TRDN: variants seen among roughly 807,000 people sequenced by gnomAD.
TRDN encodes the protein triadin, also known as triadin in skeletal muscle.
In TRDN, 161 loss-of-function variants were observed where a neutral mutation model predicts 149.7. The observed-to-expected ratio is 1.08, with a 90% CI of 0.95 to 1.23. The LOEUF (loss-of-function observed/expected upper bound fraction) is 1.23. Ranked by LOEUF, TRDN falls within the 50% of genes most tolerant of loss-of-function variation. The probability of loss-of-function intolerance (pLI) is 0.00; values close to 1 mark genes in which losing one functional copy is unlikely to be tolerated. For missense variants in TRDN, 896 were observed against 823.5 expected (o/e 1.09, Z -1.08); for synonymous variants, 294 against 250.5 (o/e 1.17, Z -1.64).
At chr6:123,276,171 A>G (rs1373813619) in intron 26 of TRDN, among the ~76,000 whole-genome samples, 1 of 152,148 alleles carries the variant, frequency 6.6e-6, no homozygotes, top group Non-Finnish European at 1.5e-5. Flanking sequence ...TTTATTACAC[A>G]GGTAACACAT....
chr6:123,418,334 T>C (rs1010084016), intron 12 of TRDN: 2 of 152,174 alleles, frequency 1.3e-5, no homozygotes, highest in Non-Finnish European at 2.9e-5. Context: ...TGTGTGTGTG[T>C]GTGGTTAAAC....
intron 1 of TRDN, among the ~76,000 whole-genome samples, chr6:123,623,941 C>G (rs1785521534): frequency 6.6e-6 from 1 of 152,080 alleles, no homozygotes; most frequent in African/African-American, 2.4e-5. Flanking sequence ...AACCAAGAAA[C>G]CTATCTCACA....
intron 24 of TRDN, among the ~76,000 whole-genome samples, chr6:123,292,718 C>T (rs778432013): frequency 1.4e-4 from 22 of 152,100 alleles, no homozygotes; most frequent in Non-Finnish European, 2.6e-4. Flanking sequence ...TACATCTGTC[C>T]AGGGTTAACC....
intron 12 of TRDN, among the ~76,000 whole-genome samples, chr6:123,415,176 G>T (rs1773600202): frequency 6.6e-6 from 1 of 152,140 alleles, no homozygotes; most frequent in Non-Finnish European, 1.5e-5. Flanking sequence ...TCAACTAAAT[G>T]CTTATTGAGT....
intron 19 of TRDN, among the ~76,000 whole-genome samples, chr6:123,372,763 A>G (rs188918072): frequency 2.6e-5 from 4 of 152,212 alleles, no homozygotes; most frequent in Admixed American, 2.6e-4. Flanking sequence ...AGCACTCTAC[A>G]GTCTACACAT....
At chr6:123,325,456 C>T (rs1211245007) in intron 23 of TRDN, among the ~76,000 whole-genome samples, 1 of 152,030 alleles carries the variant, frequency 6.6e-6, no homozygotes, top group Non-Finnish European at 1.5e-5. Flanking sequence ...ACTGAAAGTT[C>T]TAATATTTCG....
chr6:123,399,606 A>G (rs750681775), intron 12 of TRDN, among the ~76,000 whole-genome samples: 4 of 152,210 alleles, frequency 2.6e-5, no homozygotes, highest in Non-Finnish European at 4.4e-5. Flanking sequence ...AGAGAAAGAA[A>G]TACCTGTCTT....
chr6:123,475,726 C>T (rs1777439655), intron 9 of TRDN, among the ~76,000 whole-genome samples: 1 of 126,776 alleles, frequency 7.9e-6, no homozygotes, highest in Admixed American at 8.2e-5. Context: ...AAGTGGGCTT[C>T]ATCCCTGGGA....
chr6:123,331,416 G>C (rs943648471), intron 23 of TRDN, among the ~76,000 whole-genome samples: 2 of 152,052 alleles, frequency 1.3e-5, no homozygotes, highest in African/African-American at 4.8e-5. Flanking sequence ...TTGTCTGTAA[G>C]ACAAGAGGAT....
At chr6:123,464,367 A>C in intron 10 of TRDN, 2 of 974,140 alleles carry the variant, frequency 2.1e-6, no homozygotes, top group Non-Finnish European at 2.4e-6. Flanking sequence ...CATATACATA[A>C]AACAGTATTT....
chr6:123,269,819 T>C, intron 31 of TRDN, 30 bp downstream of exon 31: 1 of 1,606,088 alleles, frequency 6.2e-7, no homozygotes, highest in Non-Finnish European at 8.5e-7. Context: ...CAAGCGATAT[T>C]TCTCAGGTGT....
chr6:123,567,248 T>A (rs1000172445), intron 2 of TRDN, among the ~76,000 whole-genome samples: 5 of 152,226 alleles, frequency 3.3e-5, no homozygotes, highest in African/African-American at 1.2e-4. Context: ...AACTATGTAT[T>A]GCCTATTTAC....
chr6:123,405,412 T>C (rs988814437), intron 12 of TRDN, among the ~76,000 whole-genome samples: 1 of 152,230 alleles, frequency 6.6e-6, no homozygotes, highest in Non-Finnish European at 1.5e-5. Context: ...GAATTCCAAC[T>C]AACCCATCTG....
intron 19 of TRDN, among the ~76,000 whole-genome samples, chr6:123,371,178 C>T (rs556048012): frequency 6.6e-6 from 1 of 152,038 alleles, no homozygotes; most frequent in African/African-American, 2.4e-5. Flanking sequence ...GAAACTATGC[C>T]ATGTTTTGCC....
intron 22 of TRDN, among the ~76,000 whole-genome samples, chr6:123,337,235 C>G (rs972384293): frequency 2.6e-5 from 4 of 151,896 alleles, no homozygotes; most frequent in African/African-American, 9.7e-5. Context: ...CCAATGTTTA[C>G]CAAGTGCTTG....
intron 12 of TRDN, among the ~76,000 whole-genome samples, chr6:123,420,230 A>G (rs752491257): frequency 2.6e-5 from 4 of 152,160 alleles, no homozygotes; most frequent in African/African-American, 4.8e-5. Context: ...TTAAAAGCTT[A>G]TTTTATAAAG....
intron 10 of TRDN, among the ~76,000 whole-genome samples, chr6:123,449,862 C>G (rs1370551424): frequency 6.6e-6 from 1 of 152,162 alleles, no homozygotes; most frequent in East Asian, 1.9e-4. Context: ...AGATTAACAA[C>G]AGATTTCTGA....
chr6:123,388,111 G>A (rs1781975291), intron 14 of TRDN, among the ~76,000 whole-genome samples: 1 of 147,296 alleles, frequency 6.8e-6, no homozygotes. Context: ...AGCAATGGGA[G>A]AAAAAAAAAA....
chr6:123,265,580 T>C (rs1318707122), intron 32 of TRDN, among the ~76,000 whole-genome samples: 1 of 151,250 alleles, frequency 6.6e-6, no homozygotes, highest in Non-Finnish European at 1.5e-5. Context: ...TTTATTCCTG[T>C]AAACCTCATA....
Sources: gnomAD v4.1 joint callset for allele counts (sites outside exome capture counted in the v4.1 genomes callset) on GRCh38, gnomAD v4.1.1 for gene constraint, MANE v1.5 for transcripts, NCBI Gene and HGNC (gene_info 2026-07-23, HGNC 2026-07-21) for gene names.